SPTLC1: variants seen among roughly 807,000 people sequenced by gnomAD.
SPTLC1 encodes the protein serine palmitoyltransferase 1.
A neutral mutation model predicts 68.9 loss-of-function variants in SPTLC1; 55 were observed. The observed-to-expected ratio is 0.80, with a 90% CI of 0.64 to 1.00. The LOEUF is 1.00. Among genes scored for constraint, SPTLC1 ranks in the 50% least tolerant of loss-of-function variants. SPTLC1 has a pLI of 0.00. For missense variants in SPTLC1, 449 were observed against 573.1 expected (o/e 0.78, Z 2.21); for synonymous variants, 197 against 201.6 (o/e 0.98, Z 0.19).
chr9:92,045,880 T>C (rs1486386900), intron 12 of SPTLC1, 119 bp downstream of exon 12: 1 of 821,204 alleles, frequency 1.2e-6, no homozygotes, highest in East Asian at 2.7e-5. Flanking sequence ...AACTAAGTTT[T>C]TGGTTTCTTA....
At chr9:92,096,341 T>C (rs1230457466) in intron 3 of SPTLC1, among the ~76,000 whole-genome samples, 2 of 152,200 alleles carry the variant, frequency 1.3e-5, no homozygotes, top group Non-Finnish European at 2.9e-5. Context: ...GTGATGGATA[T>C]GTTAATTTGA....
intron 3 of SPTLC1, among the ~76,000 whole-genome samples, chr9:92,084,796 G>T (rs1279357721): frequency 6.6e-6 from 1 of 151,856 alleles, no homozygotes; most frequent in Non-Finnish European, 1.5e-5. Flanking sequence ...CTATTGATTG[G>T]AATAGTTTCA....
intron 5 of SPTLC1, among the ~76,000 whole-genome samples, chr9:92,076,259 TA>T (rs1361945531): frequency 6.6e-6 from 1 of 152,080 alleles, no homozygotes; most frequent in African/African-American, 2.4e-5. Flanking sequence ...AAGCCCTCCT[TA>T]AAGCTGCCCT....
intron 6 of SPTLC1, among the ~76,000 whole-genome samples, chr9:92,060,131 T>G (rs533511623): frequency 3.9e-5 from 6 of 152,176 alleles, no homozygotes; most frequent in East Asian, 3.9e-4. Context: ...GGAGGCCGAG[T>G]AGGGCCCCTG....
intron 3 of SPTLC1, among the ~76,000 whole-genome samples, chr9:92,083,797 T>C (rs926702300): frequency 6.6e-6 from 1 of 152,200 alleles, no homozygotes; most frequent in Non-Finnish European, 1.5e-5. Context: ...GGTAGCTTGA[T>C]GGGGATGGCA....
intron 7 of SPTLC1, 61 bp from the exon 8 acceptor site, chr9:92,055,555 C>A: frequency 2.0e-6 from 3 of 1,492,988 alleles, no homozygotes; most frequent in Non-Finnish European, 2.8e-6. Context: ...AGATCTGTTA[C>A]ATATTCCCCA....
chr9:92,077,411 G>C (rs1834719395), intron 5 of SPTLC1, among the ~76,000 whole-genome samples: 1 of 152,030 alleles, frequency 6.6e-6, no homozygotes, highest in Non-Finnish European at 1.5e-5. Flanking sequence ...CGGTGGACAG[G>C]ACCTTACCTG....
At chr9:92,075,420 C>T (rs1286429760) in intron 5 of SPTLC1, among the ~76,000 whole-genome samples, 1 of 152,160 alleles carries the variant, frequency 6.6e-6, no homozygotes, top group Non-Finnish European at 1.5e-5. Context: ...CCTTCCCTCG[C>T]CCCTCCTTTT....
In SPTLC1 at chr9:92,032,455, G is replaced by A. The variant is rs758071979; in HGVS notation, c.*10C>T. ...TTGTGTGGCAGGAGGCCATGGTCCC[G>A]GGACTCTGCCTAGAGCAGGACGGCC... On this transcript the variant is annotated 3_prime_UTR_variant, in exon 15 of 15. Coordinates refer to ENST00000262554, the MANE Select transcript of SPTLC1 (RefSeq NM_006415.4). The A allele has an allele frequency of 2.3e-5, 37 of 1,614,134 alleles. No individual in the cohort carries two copies. The highest frequency in any genetic ancestry group is 6.7e-5 in the Admixed American group (4 of 60,022).
chr9:92,081,022 T>A, intron 3 of SPTLC1, 59 bp from the exon 4 acceptor site: 2 of 1,311,266 alleles, frequency 1.5e-6, no homozygotes. Context: ...TGCTATCATA[T>A]TACCTTGGTG....
intron 7 of SPTLC1, among the ~76,000 whole-genome samples, 167 bp downstream of exon 7, chr9:92,059,012 C>CAATCAGA (rs1332067916): frequency 6.6e-6 from 1 of 152,292 alleles, no homozygotes; most frequent in Non-Finnish European, 1.5e-5. Context: ...AAGGCAATTA[C>CAATCAGA]AATCAGACTT....
intron 9 of SPTLC1, among the ~76,000 whole-genome samples, chr9:92,048,717 A>G (rs774683978): frequency 2.0e-5 from 3 of 152,248 alleles, no homozygotes; most frequent in Non-Finnish European, 4.4e-5. Context: ...CAAAACTAGT[A>G]TCATACTTAA....
Position 92,115,374 on chromosome 9 carries a change from T to C in SPTLC1, c.-4A>G. 6.2e-7 allele frequency: 1 copy of C among 1,613,202 alleles called. No homozygotes were observed. Among genetic ancestry groups the C allele is most frequent in the Non-Finnish European group, 8.5e-7 (1 of 1,179,948 alleles). ...ACTGCTCCGTGGCGGTCGCCATAGT[T>C]AGCCGCTTCCTTCCGGAAGGCGGGT... On this transcript the variant is annotated 5_prime_UTR_variant, in exon 1 of 15. Transcript: ENST00000262554.
Position 92,097,710 on chromosome 9 carries a change from G to A in SPTLC1, c.260+11030C>T, listed in dbSNP as rs561964264. 3.3e-5 allele frequency among the ~76,000 whole-genome samples: 5 copies of A among 152,282 alleles called. No homozygotes were observed. In the East Asian group the frequency reaches 7.7e-4, roughly 23 times the overall value. On this transcript the variant is annotated intron_variant, in intron 3 of 14. Coordinates refer to ENST00000262554, the MANE Select transcript of SPTLC1 (RefSeq NM_006415.4). ...TGCTAATGGCTTTGGGATTTCTTTTGGGGTGATAAAAATATTTTGGAATTA... is the reference window on the plus strand; with the variant it reads ...TGCTAATGGCTTTGGGATTTCTTTTAGGGTGATAAAAATATTTTGGAATTA...
intron 6 of SPTLC1, among the ~76,000 whole-genome samples, chr9:92,061,096 T>A (rs1348774389): frequency 6.6e-6 from 1 of 152,092 alleles, no homozygotes; most frequent in African/African-American, 2.4e-5. Context: ...TTCAAATAAA[T>A]AATGGCTAAA....
At chr9:92,104,423 C>T in intron 3 of SPTLC1, 1 of 1,378,794 alleles carries the variant, frequency 7.3e-7, no homozygotes, top group Non-Finnish European at 9.6e-7. Context: ...GATGGCGCCC[C>T]TGTGAGGCTG....
At chr9:92,114,796 A>G (rs1183693251) in intron 1 of SPTLC1, 1 of 158,094 alleles carries the variant, frequency 6.3e-6, no homozygotes, top group Non-Finnish European at 1.4e-5. Flanking sequence ...TCTTTATAAG[A>G]CAGAAAACTG....
chr9:92,078,273 A>G (rs181661392), intron 5 of SPTLC1, among the ~76,000 whole-genome samples: 31 of 152,304 alleles, frequency 2.0e-4, no homozygotes, highest in African/African-American at 7.0e-4. Flanking sequence ...TCAGATTACA[A>G]TCAACAACCC....
At chr9:92,049,318 G>T (rs777825831) in intron 9 of SPTLC1, among the ~76,000 whole-genome samples, 16 of 152,186 alleles carry the variant, frequency 1.1e-4, no homozygotes, top group Non-Finnish European at 2.2e-4. Context: ...TGGTAAGACA[G>T]CTGTTCAAGA....
Sources: allele counts gnomAD v4.1 joint callset (sites outside exome capture counted in the v4.1 genomes callset), GRCh38; gene constraint gnomAD v4.1.1; transcripts MANE v1.5; gene names NCBI Gene and HGNC (gene_info 2026-07-23, HGNC 2026-07-21).